HAPLN1: variants seen among roughly 807,000 people sequenced by gnomAD.
HAPLN1 encodes Cartilage link protein.
In HAPLN1, 13 loss-of-function variants were observed where a neutral mutation model predicts 36.5. The observed-to-expected ratio is 0.36, with a 90% CI of 0.23 to 0.57. The LOEUF is 0.57. HAPLN1 is among the 20% of genes least tolerant of loss of function. The probability of loss-of-function intolerance (pLI) is 0.83; values close to 1 mark genes in which losing one functional copy is unlikely to be tolerated. For missense variants in HAPLN1, 407 were observed against 439.7 expected (o/e 0.93, Z 0.66); for synonymous variants, 202 against 169.8 (o/e 1.19, Z -1.48).
At chr5:83,657,698 G>C (rs1580128112) in intron 2 of HAPLN1, among the ~76,000 whole-genome samples, 1 of 151,754 alleles carries the variant, frequency 6.6e-6, no homozygotes, top group East Asian at 1.9e-4. Flanking sequence ...TTTTTAAAAT[G>C]AATTGAGGAT....
chr5:83,719,534 C>T (rs571399987), intron 1 of HAPLN1, among the ~76,000 whole-genome samples: 35 of 152,072 alleles, frequency 2.3e-4, no homozygotes, highest in African/African-American at 8.2e-4. Flanking sequence ...TCTGAAGAGT[C>T]CTTTGGTATA....
chr5:83,684,463 A>T (rs761330438), intron 1 of HAPLN1, among the ~76,000 whole-genome samples: 63 of 152,158 alleles, frequency 4.1e-4, no homozygotes, highest in Non-Finnish European at 8.1e-4. Flanking sequence ...TGCCCACTAA[A>T]ACTGTGCAGA....
At chr5:83,670,775 A>C (rs894496745) in intron 2 of HAPLN1, among the ~76,000 whole-genome samples, 1 of 151,508 alleles carries the variant, frequency 6.6e-6, no homozygotes, top group Non-Finnish European at 1.5e-5. Context: ...GCTCACTGCA[A>C]CCTCTGCTTC....
intron 1 of HAPLN1, among the ~76,000 whole-genome samples, chr5:83,691,831 T>C (rs189158143): frequency 7.9e-4 from 120 of 152,028 alleles, no homozygotes; most frequent in African/African-American, 2.8e-3. Context: ...ATACGGATGA[T>C]AGAAACAGTA....
intron 3 of HAPLN1, among the ~76,000 whole-genome samples, chr5:83,645,471 C>CTTTTTTTTTTT (rs1423821503): frequency 2.5e-4 from 5 of 20,302 alleles, no homozygotes; most frequent in African/African-American, 1.1e-3. Context: ...TTTTCTTTTT[C>CTTTTTTTTTTT]TTTCTTTTTT....
intron 4 of HAPLN1, among the ~76,000 whole-genome samples, chr5:83,643,134 G>A (rs928176957): frequency 3.3e-5 from 5 of 151,982 alleles, no homozygotes; most frequent in African/African-American, 1.2e-4. Context: ...GACCAGCCTG[G>A]CCAACATAGT....
chr5:83,651,807 G>C (rs937715644), intron 3 of HAPLN1, among the ~76,000 whole-genome samples: 1 of 152,156 alleles, frequency 6.6e-6, no homozygotes, highest in African/African-American at 2.4e-5. Context: ...GGGGAGGCAA[G>C]GATGGCAAGG....
chr5:83,698,461 T>C (rs906239303), intron 1 of HAPLN1, among the ~76,000 whole-genome samples: 3 of 152,192 alleles, frequency 2.0e-5, no homozygotes, highest in Admixed American at 2.0e-4. Context: ...AAAATTTCCC[T>C]GTATTTTGAT....
intron 2 of HAPLN1, among the ~76,000 whole-genome samples, chr5:83,660,541 C>G (rs1750356596): frequency 6.6e-6 from 1 of 152,108 alleles, no homozygotes; most frequent in Non-Finnish European, 1.5e-5. Context: ...TTAAAAATCA[C>G]TGTTCTGAGA....
At chr5:83,643,050 A>C (rs537978874) in intron 4 of HAPLN1, among the ~76,000 whole-genome samples, 3 of 152,234 alleles carry the variant, frequency 2.0e-5, no homozygotes, top group Non-Finnish European at 4.4e-5. Flanking sequence ...TCGGCCAGGC[A>C]CAGCGGCTCA....
At chr5:83,702,443 T>A (rs563448568) in intron 1 of HAPLN1, among the ~76,000 whole-genome samples, 2 of 152,300 alleles carry the variant, frequency 1.3e-5, no homozygotes, top group South Asian at 4.1e-4. Context: ...CTGTAGAGCA[T>A]CTACAAAAGA....
chr5:83,664,685 A>T (rs1224131066), intron 2 of HAPLN1, among the ~76,000 whole-genome samples: 1 of 152,146 alleles, frequency 6.6e-6, no homozygotes, highest in Non-Finnish European at 1.5e-5. Context: ...GTCTTCCAAA[A>T]AAAACTTTTA....
intron 1 of HAPLN1, among the ~76,000 whole-genome samples, chr5:83,687,697 A>G (rs72772923): frequency 0.031 from 4,765 of 152,294 alleles, 288 homozygotes; most frequent in East Asian, 0.3. Context: ...ATTTCTTCAT[A>G]ACTGTTTTGC....
chr5:83,672,132 T>A (rs915356970), intron 2 of HAPLN1, among the ~76,000 whole-genome samples: 3 of 152,238 alleles, frequency 2.0e-5, no homozygotes, highest in Non-Finnish European at 4.4e-5. Context: ...GTATCTGTCA[T>A]CTAATAACTT....
chr5:83,690,819 C>A (rs926001470), intron 1 of HAPLN1, among the ~76,000 whole-genome samples: 14 of 151,900 alleles, frequency 9.2e-5, no homozygotes, highest in South Asian at 2.1e-4. Flanking sequence ...AAATCTAGTC[C>A]TTTAATACTA....
chr5:83,696,975 T>C (rs758591557), intron 1 of HAPLN1, among the ~76,000 whole-genome samples: 1 of 152,102 alleles, frequency 6.6e-6, no homozygotes, highest in Non-Finnish European at 1.5e-5. Context: ...TGTGCAACCA[T>C]TACCACTACC....
intron 1 of HAPLN1, among the ~76,000 whole-genome samples, chr5:83,696,428 T>C (rs1751390125): frequency 6.6e-6 from 1 of 151,988 alleles, no homozygotes; most frequent in Non-Finnish European, 1.5e-5. Flanking sequence ...AAATGTAAAT[T>C]CCCTGGAATA....
intron 2 of HAPLN1, among the ~76,000 whole-genome samples, chr5:83,658,951 G>A (rs1750302470): frequency 6.6e-6 from 1 of 152,112 alleles, no homozygotes; most frequent in African/African-American, 2.4e-5. Context: ...TCTCATTCTT[G>A]CCTTGTGCCC....
chr5:83,639,159 A>G lies in HAPLN1; in HGVS notation c.*2337T>C, dbSNP rs1161633252. ...AATAGACATTTGGTGGAAAAACAGCAAAATGAGAACATTAAAAAGACTCAT... is the reference window on the plus strand; with the variant it reads ...AATAGACATTTGGTGGAAAAACAGCGAAATGAGAACATTAAAAAGACTCAT... On this transcript the variant is annotated 3_prime_UTR_variant, in exon 5 of 5. Coordinates refer to ENST00000274341, the MANE Select transcript of HAPLN1 (RefSeq NM_001884.4). The G allele has an allele frequency of 1.3e-5, 2 of 152,094 alleles. No homozygotes were observed. The highest frequency in any genetic ancestry group is 2.9e-5 in the Non-Finnish European group (2 of 67,922). 9.4% of individuals were successfully genotyped at this position (152,094 alleles called of 1,614,324 possible).
Sources: gnomAD v4.1 joint callset for allele counts (sites outside exome capture counted in the v4.1 genomes callset) on GRCh38, gnomAD v4.1.1 for gene constraint, MANE v1.5 for transcripts, NCBI Gene and HGNC (gene_info 2026-07-23, HGNC 2026-07-21) for gene names.